Variants in STARD8 observed in about 807,000 individuals in gnomAD.
STARD8 encodes stAR-related lipid transfer protein 8.
A neutral mutation model predicts 69.4 loss-of-function variants in STARD8; 25 were observed. The ratio of observed to expected loss-of-function variants is 0.36; its 90% CI spans 0.26 to 0.50. STARD8 has a LOEUF of 0.50. Among genes scored for constraint, STARD8 ranks in the 20% least tolerant of loss-of-function variants. The pLI is 0.96. For missense variants in STARD8, 921 were observed against 932.5 expected (o/e 0.99, Z 0.16); for synonymous variants, 389 against 374.6 (o/e 1.04, Z -0.45).
chrX:68,684,561 T>TG (rs1393092202), intron 2 of STARD8, among the ~76,000 whole-genome samples: 2 of 111,949 alleles, frequency 1.8e-5, no homozygotes, highest in Non-Finnish European at 3.8e-5. Flanking sequence ...GCGGGCGGCG[T>TG]GGGGGAGGGG....
intron 2 of STARD8, among the ~76,000 whole-genome samples, chrX:68,690,102 G>A (rs1352303786): frequency 9.1e-6 from 1 of 110,351 alleles, no homozygotes; most frequent in Non-Finnish European, 1.9e-5. Context: ...GAGGCTGGGC[G>A]GGGGCCCCAA....
At chrX:68,723,535 A>G in intron 12 of STARD8, 91 bp from the exon 13 acceptor site, 1 of 812,415 alleles carries the variant, frequency 1.2e-6, no homozygotes, top group Non-Finnish European at 1.7e-6. Context: ...ATTAAGCCTC[A>G]GGCCCTGCAG....
intron 2 of STARD8, among the ~76,000 whole-genome samples, chrX:68,696,471 G>A (rs775088214): frequency 8.9e-6 from 1 of 112,126 alleles, no homozygotes; most frequent in South Asian, 3.7e-4. Flanking sequence ...CTTTTCCCCA[G>A]CCCTGCAGGT....
intron 2 of STARD8, among the ~76,000 whole-genome samples, chrX:68,704,193 G>A (rs181302493): frequency 8.9e-6 from 1 of 112,186 alleles, no homozygotes; most frequent in East Asian, 2.8e-4. Flanking sequence ...ATGGAAATGT[G>A]TTAGGGGACT....
chrX:68,687,454 C>T (rs917368176), intron 2 of STARD8, among the ~76,000 whole-genome samples: 1 of 112,360 alleles, frequency 8.9e-6, no homozygotes, highest in African/African-American at 3.2e-5. Context: ...CCTCCTCAGT[C>T]TCCAAAGTAG....
At chrX:68,688,690 T>A (rs1317262312) in intron 2 of STARD8, among the ~76,000 whole-genome samples, 1 of 111,968 alleles carries the variant, frequency 8.9e-6, no homozygotes, top group Non-Finnish European at 1.9e-5. Context: ...GGAGCAACGC[T>A]GGGGGCAAAG....
intron 6 of STARD8, among the ~76,000 whole-genome samples, 167 bp from the exon 7 acceptor site, chrX:68,719,058 C>G (rs1310045971): frequency 9.0e-6 from 1 of 111,040 alleles, no homozygotes; most frequent in Non-Finnish European, 1.9e-5. Context: ...GAAGCTGAGT[C>G]CAAGCTTTTT....
At chrX:68,661,962 CTCTCTCTCTCTTTCTTTCTTTCTT>C (rs1362603469) in intron 1 of STARD8, among the ~76,000 whole-genome samples, 52 of 76,837 alleles carry the variant, frequency 6.8e-4, no homozygotes, top group African/African-American at 2.8e-3. Flanking sequence ...CTCTCTCTCT[CTCTCTCTCTCTTTCTTTCTTTCTT>C]TCTTTCTTTC....
At chrX:68,659,481 G>A (rs1460982244) in intron 1 of STARD8, among the ~76,000 whole-genome samples, 3 of 110,706 alleles carry the variant, frequency 2.7e-5, no homozygotes, top group Non-Finnish European at 5.7e-5. Flanking sequence ...CCCACCCCTG[G>A]TCAGACTAGT....
intron 2 of STARD8, among the ~76,000 whole-genome samples, chrX:68,687,734 AC>A (rs1208746650): frequency 2.7e-5 from 3 of 111,970 alleles, no homozygotes; most frequent in African/African-American, 9.7e-5. Context: ...CCTGGCCCTG[AC>A]CCAGGAGCCT....
In STARD8 at chrX:68,672,721, C is replaced by G. The variant is rs116472318; in HGVS notation, c.79+7189C>G. On this transcript the variant is annotated intron_variant, in intron 2 of 14. Transcript: ENST00000374599. Reference sequence around the variant, plus strand: ...AATTCCATTCAAACAGCGCCCCACCCCCCATGGCAGGGCAGCCAAGGGGCA... The same window carrying G: ...AATTCCATTCAAACAGCGCCCCACCGCCCATGGCAGGGCAGCCAAGGGGCA... 3.8e-3 allele frequency among the ~76,000 whole-genome samples: 420 copies of G among 111,181 alleles called. 2 individuals carry two copies. The highest frequency in any genetic ancestry group is 0.013 in the African/African-American group (400 of 30,271).
chrX:68,697,653 A>G (rs1162718881), intron 2 of STARD8, among the ~76,000 whole-genome samples: 1 of 112,070 alleles, frequency 8.9e-6, no homozygotes, highest in African/African-American at 3.2e-5. Context: ...TTGTCATCTA[A>G]TCACCAAGGC....
intron 1 of STARD8, among the ~76,000 whole-genome samples, chrX:68,660,474 A>T (rs895771322): frequency 9.0e-6 from 1 of 111,624 alleles, no homozygotes. Flanking sequence ...GAACATGAGC[A>T]TATGTCTCCA....
At chrX:68,682,893 T>C (rs2079809331) in intron 2 of STARD8, among the ~76,000 whole-genome samples, 1 of 112,120 alleles carries the variant, frequency 8.9e-6, no homozygotes, top group African/African-American at 3.2e-5. Flanking sequence ...TCCCTGTAGG[T>C]GATGGGCAAC....
At chrX:68,662,381 C>T (rs1392283654) in intron 1 of STARD8, among the ~76,000 whole-genome samples, 2 of 111,230 alleles carry the variant, frequency 1.8e-5, no homozygotes, top group Admixed American at 9.6e-5. Context: ...CATTCCGAAA[C>T]ATAAATCTGA....
At position 68,718,471 on chromosome X, in the gene STARD8, C is replaced by T. The variant is rs2080117567; in HGVS notation, c.1557C>T (p.His519=). ...CTAGCCTGTCTGTGGAAGAAGGACA[C>T]TCCATTTCTGACACTGTGGCCTCCT... ...FASSLSVEEG[H]SISDTVASSS... is the part of the protein sequence containing the mutation. Residue 519 remains histidine (H), a synonymous_variant, in exon 6 of 15, where the codon CAC becomes CAT. Transcript: ENST00000374599. The T allele has an allele frequency of 7.4e-6, 9 of 1,210,842 alleles. No individual in the cohort carries two copies. The highest frequency in any genetic ancestry group is 1.0e-5 in the Non-Finnish European group (9 of 895,320).
chrX:68,713,389 G>A (rs1025712863), intron 3 of STARD8, among the ~76,000 whole-genome samples: 7 of 111,627 alleles, frequency 6.3e-5, no homozygotes, highest in African/African-American at 1.3e-4. Context: ...TTTCTCTTTC[G>A]GGTTTTTCTA....
intron 2 of STARD8, among the ~76,000 whole-genome samples, chrX:68,678,261 TAGA>T (rs1461521516): frequency 9.0e-6 from 1 of 110,552 alleles, no homozygotes; most frequent in Non-Finnish European, 1.9e-5. Flanking sequence ...AAAGTGGAAA[TAGA>T]AGAAATATGA....
At chrX:68,669,242 A>T (rs1190445980) in intron 2 of STARD8, among the ~76,000 whole-genome samples, 1 of 112,136 alleles carries the variant, frequency 8.9e-6, no homozygotes, top group Non-Finnish European at 1.9e-5. Flanking sequence ...TTAAGTGCTG[A>T]AGTGAGAATA....
Sources: allele counts gnomAD v4.1 joint callset (sites outside exome capture counted in the v4.1 genomes callset), GRCh38; gene constraint gnomAD v4.1.1; transcripts MANE v1.5; gene names NCBI Gene and HGNC (gene_info 2026-07-23, HGNC 2026-07-21).